PRKDC: variants seen among roughly 807,000 people sequenced by gnomAD.
PRKDC encodes protein kinase, DNA-activated, catalytic subunit.
Under a neutral mutation model 486.9 loss-of-function variants are expected in PRKDC, and 82 were observed. The observed-to-expected ratio is 0.17, with a 90% CI of 0.14 to 0.20. The LOEUF (loss-of-function observed/expected upper bound fraction) is 0.20. Among genes scored for constraint, PRKDC ranks in the 10% least tolerant of loss-of-function variants. The pLI is 1.00. For synonymous variants in PRKDC, 1,895 were observed against 1,837.0 expected (o/e 1.03, Z -0.81); for missense variants, 4,504 against 5,038.2 (o/e 0.89, Z 3.21).
Position 47,875,988 on chromosome 8 carries a change from A to G in PRKDC, c.5363+1736T>C, listed in dbSNP as rs560336180. 2.6e-5 allele frequency among the ~76,000 whole-genome samples: 4 copies of G among 152,320 alleles called. No individual in the cohort carries two copies. In the East Asian group the frequency reaches 7.7e-4, roughly 29 times the overall value. On this transcript the variant is annotated intron_variant, in intron 40 of 85. Coordinates refer to ENST00000314191, the MANE Select transcript of PRKDC (RefSeq NM_006904.7). The stretch of plus-strand genomic sequence containing the variant: ...GAACATCAAAAATATTACGCTGAAC[A>G]AAGAAGCCAGGAATAAGAGATCACA...
chr8:47,849,000 T>C (rs955252460), intron 54 of PRKDC, among the ~76,000 whole-genome samples, 154 bp downstream of exon 54: 1 of 152,202 alleles, frequency 6.6e-6, no homozygotes, highest in African/African-American at 2.4e-5. Context: ...AGATATCCTA[T>C]TCTTATGGTG....
intron 28 of PRKDC, among the ~76,000 whole-genome samples, chr8:47,900,006 C>T (rs1288854111): frequency 6.6e-6 from 1 of 152,114 alleles, no homozygotes; most frequent in East Asian, 1.9e-4. Flanking sequence ...AGGCACTGAC[C>T]ACATCTCAGT....
At chr8:47,900,069 T>C (rs1196434019) in intron 28 of PRKDC, among the ~76,000 whole-genome samples, 1 of 152,204 alleles carries the variant, frequency 6.6e-6, no homozygotes, top group Admixed American at 6.5e-5. Flanking sequence ...TCATGTTCTG[T>C]CATCACAGCA....
intron 46 of PRKDC, 118 bp downstream of exon 46, chr8:47,859,493 C>T (rs1291667610): frequency 9.1e-6 from 11 of 1,208,192 alleles, no homozygotes; most frequent in Non-Finnish European, 8.2e-6. Context: ...TAACTCTATA[C>T]TCCGAGGGTT....
At chr8:47,934,577 G>T (rs2090315873) in intron 14 of PRKDC, among the ~76,000 whole-genome samples, 1 of 152,044 alleles carries the variant, frequency 6.6e-6, no homozygotes, top group Non-Finnish European at 1.5e-5. Flanking sequence ...AAAAATATGT[G>T]ATTCTTCTGT....
chr8:47,943,104 G>A, intron 10 of PRKDC, 105 bp downstream of exon 10: 2 of 1,322,800 alleles, frequency 1.5e-6, no homozygotes, highest in Non-Finnish European at 2.1e-6. Flanking sequence ...TACTACAGAA[G>A]CTACAGATCA....
At chr8:47,927,170 C>T (rs1049986862) in intron 21 of PRKDC, 24 bp downstream of exon 21, 1 of 1,604,478 alleles carries the variant, frequency 6.2e-7, no homozygotes, top group Non-Finnish European at 8.5e-7. Flanking sequence ...TTACAATACA[C>T]ATCACAATTC....
intron 40 of PRKDC, among the ~76,000 whole-genome samples, chr8:47,877,189 G>A (rs780069782): frequency 1.3e-5 from 2 of 152,156 alleles, no homozygotes; most frequent in Non-Finnish European, 2.9e-5. Context: ...AATAATAGAG[G>A]AGACTGTTTT....
intron 21 of PRKDC, among the ~76,000 whole-genome samples, chr8:47,921,650 C>A (rs2090073760): frequency 6.6e-6 from 1 of 152,126 alleles, no homozygotes; most frequent in Non-Finnish European, 1.5e-5. Flanking sequence ...GTCTGACATA[C>A]TGCTGGTGTG....
At position 47,935,501 on chromosome 8, in the gene PRKDC, C is replaced by CA. The variant is rs1053723152; in HGVS notation, c.1447+230dup. On this transcript the variant is annotated intron_variant, in intron 13 of 85. Transcript: ENST00000314191. ...GGGGACAGAGCGAGACTCTTGTCAC[C>CA]AAAAAAAATGAAAAAAAACTATTAA... Among the ~76,000 whole-genome samples the CA allele has an allele frequency of 4.1e-5, 6 of 146,856 alleles. No individual in the cohort carries two copies. The East Asian group carries it at 7.9e-4, about 19-fold the overall frequency.
At chr8:47,796,660 C>T (rs1324393573) in intron 73 of PRKDC, among the ~76,000 whole-genome samples, 5 of 151,450 alleles carry the variant, frequency 3.3e-5, no homozygotes, top group Admixed American at 1.3e-4. Context: ...AGTGCAGTGG[C>T]GCCACCTCGG....
intron 68 of PRKDC, among the ~76,000 whole-genome samples, chr8:47,815,375 G>A (rs2087421936): frequency 6.6e-6 from 1 of 152,114 alleles, no homozygotes; most frequent in Non-Finnish European, 1.5e-5. Context: ...TATCTATATG[G>A]AAAAAGTAAA....
chr8:47,855,455 GA>G lies in PRKDC; in HGVS notation c.6610-83del, dbSNP rs926188598. ...TTTTAACTCAAGTTCATTTATAAAA[GA>G]AATCTGGCATTTTACAGGAGTCCGG... On this transcript the variant is annotated intron_variant, in intron 49 of 85. Transcript: ENST00000314191. The G allele has an allele frequency of 3.6e-6, 5 of 1,390,692 alleles. No homozygotes were observed. The African/African-American group carries it at 7.3e-5, about 20-fold the overall frequency. 86.1% of individuals were successfully genotyped at this position (1,390,692 alleles called of 1,614,324 possible). A position where few individuals can be genotyped will look rare whatever the true frequency, so the allele number is the denominator to read the frequency against.
chr8:47,857,679 T>TC (rs1342515838), intron 48 of PRKDC, among the ~76,000 whole-genome samples: 2 of 151,352 alleles, frequency 1.3e-5, no homozygotes, highest in African/African-American at 4.9e-5. Context: ...GCTGTCTGAG[T>TC]CCCCCCAGTA....
At chr8:47,925,226 C>T (rs2090138211) in intron 21 of PRKDC, among the ~76,000 whole-genome samples, 1 of 152,216 alleles carries the variant, frequency 6.6e-6, no homozygotes, top group African/African-American at 2.4e-5. Flanking sequence ...GAGAGAAAAA[C>T]AGTAACCTGA....
At chr8:47,911,766 T>G (rs898099768) in intron 25 of PRKDC, among the ~76,000 whole-genome samples, 6 of 151,924 alleles carry the variant, frequency 3.9e-5, no homozygotes, top group African/African-American at 9.7e-5. Context: ...TATTTTTTAT[T>G]TATTTATTTA....
intron 68 of PRKDC, 80 bp from the exon 69 acceptor site, chr8:47,807,406 A>C (rs2154498495): frequency 8.1e-7 from 1 of 1,235,132 alleles, no homozygotes; most frequent in Middle Eastern, 2.9e-4. Flanking sequence ...AGAAATTCTA[A>C]ACCTTAGTAA....
At chr8:47,924,842 A>G (rs1337364986) in intron 21 of PRKDC, among the ~76,000 whole-genome samples, 1 of 152,184 alleles carries the variant, frequency 6.6e-6, no homozygotes, top group Non-Finnish European at 1.5e-5. Flanking sequence ...GCAACTCCAC[A>G]GTGTCCATTC....
intron 10 of PRKDC, 102 bp downstream of exon 10, chr8:47,943,107 A>G: frequency 7.5e-7 from 1 of 1,339,112 alleles, no homozygotes; most frequent in South Asian, 1.5e-5. Flanking sequence ...TACAGAAGCT[A>G]CAGATCAACT....
Sources: allele counts gnomAD v4.1 joint callset (sites outside exome capture counted in the v4.1 genomes callset), GRCh38; gene constraint gnomAD v4.1.1; transcripts MANE v1.5; gene names NCBI Gene and HGNC (gene_info 2026-07-23, HGNC 2026-07-21).